MACROD2: variants seen among roughly 807,000 people sequenced by gnomAD.
The protein encoded by MACROD2 is ADP-ribose glycohydrolase MACROD2.
In MACROD2, 36 loss-of-function variants were observed where a neutral mutation model predicts 70.4. The ratio of observed to expected loss-of-function variants is 0.51; its 90% CI spans 0.39 to 0.68. The LOEUF (loss-of-function observed/expected upper bound fraction) is 0.68, where lower values mean the gene tolerates loss of function less well. Among genes scored for constraint, MACROD2 ranks in the 30% least tolerant of loss-of-function variants. The pLI is 0.00. For missense variants in MACROD2, 496 were observed against 538.4 expected (o/e 0.92, Z 0.78); for synonymous variants, 172 against 178.8 (o/e 0.96, Z 0.30).
At chr20:14,941,530 G>T (rs893439529) in intron 5 of MACROD2, among the ~76,000 whole-genome samples, 1 of 152,164 alleles carries the variant, frequency 6.6e-6, no homozygotes, top group African/African-American at 2.4e-5. Flanking sequence ...ATGGTGGGAA[G>T]AGGTGTCACA....
intron 4 of MACROD2, among the ~76,000 whole-genome samples, chr20:14,595,230 C>A (rs1464542005): frequency 6.6e-6 from 1 of 152,028 alleles, no homozygotes; most frequent in Non-Finnish European, 1.5e-5. Context: ...GTCACAGGGC[C>A]ATGAAAAATT....
rs568905129 is a variant in MACROD2 at position 14,919,019 on chromosome 20, T to G, written c.418+234060T>G. Among the ~76,000 whole-genome samples the G allele has an allele frequency of 2.6e-5, 4 of 152,320 alleles. No homozygotes were observed. The East Asian group carries it at 7.7e-4, about 29-fold the overall frequency. ...TGATAACTGATAAAGCCTTTTGTCC[T>G]AAGGAGTCCTCCCAAATTGGATTAA... On this transcript the variant is annotated intron_variant, in intron 5 of 17. Transcript: ENST00000684519.
chr20:15,737,116 A>G (rs1412764443), intron 8 of MACROD2, among the ~76,000 whole-genome samples: 1 of 152,234 alleles, frequency 6.6e-6, no homozygotes, highest in African/African-American at 2.4e-5. Flanking sequence ...GAAAGAAAGA[A>G]GAAACTAGTA....
At chr20:14,644,102 A>G (rs1985242761) in intron 4 of MACROD2, among the ~76,000 whole-genome samples, 1 of 152,150 alleles carries the variant, frequency 6.6e-6, no homozygotes, top group South Asian at 2.1e-4. Flanking sequence ...TAAATAACTA[A>G]ATATTTTTTG....
At chr20:15,168,408 G>A (rs1406260838) in intron 5 of MACROD2, among the ~76,000 whole-genome samples, 1 of 151,040 alleles carries the variant, frequency 6.6e-6, no homozygotes, top group African/African-American at 2.4e-5. Context: ...GACATGGTCA[G>A]CTAAAAGCCT....
At chr20:14,779,611 A>G (rs2072274934) in intron 5 of MACROD2, among the ~76,000 whole-genome samples, 2 of 152,156 alleles carry the variant, frequency 1.3e-5, no homozygotes, top group African/African-American at 4.8e-5. Flanking sequence ...CAGTTTTCTT[A>G]TTTGTTATAG....
intron 8 of MACROD2, among the ~76,000 whole-genome samples, chr20:15,643,154 C>A (rs1243003966): frequency 6.6e-6 from 1 of 152,068 alleles, no homozygotes; most frequent in African/African-American, 2.4e-5. Context: ...TTTATGGGTA[C>A]CTCTTCCACC....
intron 8 of MACROD2, among the ~76,000 whole-genome samples, chr20:15,622,564 G>A (rs562270097): frequency 1.6e-4 from 25 of 152,080 alleles, no homozygotes; most frequent in Admixed American, 1.0e-3. Flanking sequence ...CTGGACACAG[G>A]GACGATTCAC....
At chr20:14,316,505 G>C (rs915038313) in intron 3 of MACROD2, among the ~76,000 whole-genome samples, 3 of 152,210 alleles carry the variant, frequency 2.0e-5, no homozygotes, top group African/African-American at 7.2e-5. Flanking sequence ...GCCCAGGATG[G>C]CTTTGAATGT....
chr20:15,821,440 T>C (rs1360745852), intron 8 of MACROD2, among the ~76,000 whole-genome samples: 3 of 152,126 alleles, frequency 2.0e-5, no homozygotes, highest in African/African-American at 7.2e-5. Context: ...TGGGTGCTAA[T>C]AATACATTTC....
intron 3 of MACROD2, among the ~76,000 whole-genome samples, chr20:14,257,447 A>G (rs2082066733): frequency 6.6e-6 from 1 of 152,122 alleles, no homozygotes; most frequent in Non-Finnish European, 1.5e-5. Flanking sequence ...ATATATAGTT[A>G]CCAGGTTTTT....
At chr20:14,832,034 GTTTTTTTTTT>G (rs1180071947) in intron 5 of MACROD2, among the ~76,000 whole-genome samples, 2 of 63,676 alleles carry the variant, frequency 3.1e-5, no homozygotes, top group Admixed American at 1.9e-4. Context: ...GCCTTTGCGA[GTTTTTTTTTT>G]TTTTTTTTTT....
At chr20:14,965,458 T>C (rs974397812) in intron 5 of MACROD2, among the ~76,000 whole-genome samples, 1 of 119,078 alleles carries the variant, frequency 8.4e-6, no homozygotes, top group African/African-American at 3.7e-5. Flanking sequence ...TTTTTCTTTT[T>C]TTTTTTTTTT....
intron 15 of MACROD2, among the ~76,000 whole-genome samples, chr20:16,024,404 G>A (rs1172539767): frequency 6.6e-6 from 1 of 152,028 alleles, no homozygotes; most frequent in African/African-American, 2.4e-5. Flanking sequence ...ATGAAATACA[G>A]TAGTAACAAA....
intron 5 of MACROD2, among the ~76,000 whole-genome samples, chr20:14,931,216 C>T (rs998446612): frequency 2.0e-5 from 3 of 151,878 alleles, no homozygotes; most frequent in Non-Finnish European, 4.4e-5. Context: ...GTAAGAGACC[C>T]GGAGCCAGTG....
intron 9 of MACROD2, among the ~76,000 whole-genome samples, chr20:15,863,715 G>T (rs562565161): frequency 8.5e-5 from 13 of 152,336 alleles, no homozygotes; most frequent in Admixed American, 7.8e-4. Context: ...TGGAGTGAAT[G>T]AAGGGTGCTG....
At chr20:14,195,528 C>T (rs2081423350) in intron 3 of MACROD2, among the ~76,000 whole-genome samples, 1 of 152,022 alleles carries the variant, frequency 6.6e-6, no homozygotes, top group Admixed American at 6.6e-5. Flanking sequence ...AAAACATTTC[C>T]TAAGACCACC....
intron 5 of MACROD2, among the ~76,000 whole-genome samples, chr20:14,891,017 T>TCCTA (rs2073753083): frequency 2.8e-5 from 3 of 107,436 alleles, no homozygotes; most frequent in African/African-American, 1.2e-4. Flanking sequence ...CTTCCTACCT[T>TCCTA]CCTTCCTTCC....
At chr20:14,344,528 T>C (rs1328869263) in intron 3 of MACROD2, among the ~76,000 whole-genome samples, 1 of 152,212 alleles carries the variant, frequency 6.6e-6, no homozygotes, top group African/African-American at 2.4e-5. Context: ...CATTTTATAA[T>C]TTTTTCACTA....
Sources: gnomAD v4.1 joint callset for allele counts (sites outside exome capture counted in the v4.1 genomes callset) on GRCh38, gnomAD v4.1.1 for gene constraint, MANE v1.5 for transcripts, NCBI Gene and HGNC (gene_info 2026-07-23, HGNC 2026-07-21) for gene names.